ANKFN1: variants seen among roughly 807,000 people sequenced by gnomAD.
The protein encoded by ANKFN1 is ankyrin repeat and fibronectin type III domain containing 1, also known as ankyrin repeat and fibronectin type-III domain-containing protein 1.
Under a neutral mutation model 108.7 loss-of-function variants are expected in ANKFN1, and 74 were observed. That is an observed-to-expected ratio of 0.68 (90% confidence interval 0.56 to 0.83). The LOEUF (loss-of-function observed/expected upper bound fraction) is 0.83, where lower values mean the gene tolerates loss of function less well. Ranked by LOEUF, ANKFN1 falls within the 40% of genes least tolerant of loss-of-function variation. The pLI is 0.00. For synonymous variants in ANKFN1, 547 were observed against 516.2 expected (o/e 1.06, Z -0.81); for missense variants, 1,505 against 1,382.3 (o/e 1.09, Z -1.41).
rs916211819 is a variant in ANKFN1, at chr17:56,055,995, GT to G, written c.288+9679del. Among the ~76,000 whole-genome samples the G allele has an allele frequency of 1.3e-4, 19 of 149,874 alleles. 1 individual carries two copies. Among genetic ancestry groups the G allele is most frequent in the Admixed American group, 6.0e-4 (9 of 15,008 alleles). Reference sequence around the variant, plus strand: ...TTATTGATGTTGAGAATTTTTTCATGTTTTTTTTTCTTTTGCTGCTTATATT... The same window carrying G: ...TTATTGATGTTGAGAATTTTTTCATGTTTTTTTTCTTTTGCTGCTTATATT... On this transcript the variant is annotated intron_variant, in intron 4 of 12. Coordinates refer to the ANKFN1 transcript ENST00000635860.
chr17:56,466,463 A>G lies in ANKFN1; in HGVS notation c.1665A>G (p.Ser555=), dbSNP rs769411481. The change falls in exon 15 of 21, where the codon TCA becomes TCG. Residue 555 remains serine (S), a synonymous_variant. Transcript: ENST00000682825. ...TCAGGGAGGTGGAGATGCTTTATTC[A>G]TTTTTTAATGGCAAATGGATGCAGA... is the stretch of plus-strand genomic sequence containing the variant. ...VTIREVEMLY[S]FFNGKWMQIS... 4 of 1,614,146 alleles carry G rather than the reference A, an allele frequency of 2.5e-6. No homozygotes were observed. The highest frequency in any genetic ancestry group is 3.4e-6 in the Non-Finnish European group (4 of 1,180,006).
chr17:56,131,666 G>T (rs760524470), intron 4 of ANKFN1, among the ~76,000 whole-genome samples: 2 of 152,100 alleles, frequency 1.3e-5, no homozygotes, highest in African/African-American at 4.8e-5. Flanking sequence ...AGAATTCACC[G>T]CAGTGTGGTT....
chr17:56,305,208 G>C (rs1321587511), intron 3 of ANKFN1, among the ~76,000 whole-genome samples: 7 of 152,208 alleles, frequency 4.6e-5, no homozygotes, highest in African/African-American at 1.7e-4. Context: ...ACTATCATGA[G>C]AACAACCTGA....
rs1915274967 is a variant in ANKFN1 at position 56,214,441 on chromosome 17, T to C, written c.12+1762T>C. ...TTTGAAAATAGATAAGCCAGGAGTG[T>C]GGCCTGAGATAGTTACATCTCTGAG... On this transcript the variant is annotated intron_variant, in intron 2 of 20. Coordinates refer to ENST00000682825, the MANE Select transcript of ANKFN1 (RefSeq NM_001370326.1). Among the ~76,000 whole-genome samples the C allele has an allele frequency of 2.6e-5, 4 of 152,338 alleles. No individual in the cohort carries two copies. The South Asian group carries it at 8.3e-4, about 32-fold the overall frequency.
At chr17:56,083,155 C>G (rs1905268274) in intron 4 of ANKFN1, among the ~76,000 whole-genome samples, 2 of 151,210 alleles carry the variant, frequency 1.3e-5, no homozygotes, top group Non-Finnish European at 3.0e-5. Context: ...TAAGTGGACA[C>G]TCAGAGAACG....
At chr17:56,368,382 C>T (rs1472562394) in intron 6 of ANKFN1, among the ~76,000 whole-genome samples, 1 of 149,188 alleles carries the variant, frequency 6.7e-6, no homozygotes, top group Admixed American at 6.8e-5. Context: ...CAGGTTCAAG[C>T]AATTCTCCTG....
intron 15 of ANKFN1, chr17:56,473,035 T>C (rs2050373585): frequency 6.6e-6 from 1 of 152,198 alleles, no homozygotes; most frequent in Non-Finnish European, 1.5e-5. Flanking sequence ...CTCTATGATG[T>C]TGGGTGAGAA....
Position 56,101,343 on chromosome 17 carries a change from T to C in ANKFN1, c.288+55018T>C, listed in dbSNP as rs1025146657. 5.3e-5 allele frequency among the ~76,000 whole-genome samples: 8 copies of C among 152,166 alleles called. 1 individual carries two copies. Among genetic ancestry groups the C allele is most frequent in the African/African-American group, 1.7e-4 (7 of 41,432 alleles). ...CAAATCAATGTCACAGATGAATCTT[T>C]CCATTCTCTTCTCCTCAAGCTAAAT... On this transcript the variant is annotated intron_variant, in intron 4 of 12. Coordinates refer to the ANKFN1 transcript ENST00000635860.
chr17:56,055,976 A>G (rs1219151117), intron 4 of ANKFN1, among the ~76,000 whole-genome samples: 1 of 151,886 alleles, frequency 6.6e-6, no homozygotes, highest in African/African-American at 2.4e-5. Flanking sequence ...ACAATTATTG[A>G]TGTTGAGAAT....
intron 6 of ANKFN1, among the ~76,000 whole-genome samples, chr17:56,370,241 G>T (rs1166239078): frequency 6.6e-6 from 1 of 152,106 alleles, no homozygotes; most frequent in Non-Finnish European, 1.5e-5. Flanking sequence ...ATCTTGAAGA[G>T]GTGGAATTCC....
At chr17:56,123,524 CAGA>C (rs910850415) in intron 4 of ANKFN1, among the ~76,000 whole-genome samples, 3 of 152,172 alleles carry the variant, frequency 2.0e-5, no homozygotes, top group East Asian at 1.9e-4. Context: ...CAAAAACACA[CAGA>C]AGATTTTCAC....
chr17:56,300,127 T>A (rs116148499), intron 3 of ANKFN1, among the ~76,000 whole-genome samples: 209 of 152,286 alleles, frequency 1.4e-3, no homozygotes, highest in African/African-American at 4.8e-3. Context: ...ATAACGCTGA[T>A]CTCTGACTCT....
chr17:56,103,477 G>A (rs990159030), intron 4 of ANKFN1, among the ~76,000 whole-genome samples: 11 of 152,186 alleles, frequency 7.2e-5, no homozygotes, highest in African/African-American at 2.7e-4. Context: ...GGGAGTTTGA[G>A]CAATGGCTTC....
intron 8 of ANKFN1, among the ~76,000 whole-genome samples, chr17:56,428,029 T>C (rs1242019900): frequency 3.3e-5 from 5 of 152,024 alleles, no homozygotes; most frequent in East Asian, 1.9e-4. Context: ...GATCAAGAGT[T>C]CAAGACCAGC....
intron 14 of ANKFN1, among the ~76,000 whole-genome samples, chr17:56,465,936 G>A (rs1396418314): frequency 6.6e-6 from 1 of 152,040 alleles, no homozygotes; most frequent in Non-Finnish European, 1.5e-5. Flanking sequence ...CCTCATACCA[G>A]CTTACTGCAG....
At chr17:56,106,418 G>A (rs1273303714) in intron 4 of ANKFN1, among the ~76,000 whole-genome samples, 1 of 152,196 alleles carries the variant, frequency 6.6e-6, no homozygotes, top group East Asian at 1.9e-4. Flanking sequence ...GGTAAGCATG[G>A]ACCTCAGATC....
intron 14 of ANKFN1, among the ~76,000 whole-genome samples, chr17:56,465,713 C>A (rs2145280625): frequency 6.6e-6 from 1 of 152,272 alleles, no homozygotes; most frequent in African/African-American, 2.4e-5. Flanking sequence ...GCATCTTTCC[C>A]TTCCTACCTT....
At position 56,511,148 on chromosome 17, in the gene ANKFN1, G is replaced by C; in HGVS notation, c.3320G>C (p.Trp1107Ser). Reference protein sequence around the residue: ...AAVVAQDEKPWASLSPPSGGR... With the variant: ...AAVVAQDEKPSASLSPPSGGR... ...GTGGTGGCCCAGGACGAAAAACCAT[G>C]GGCAAGCTTGAGCCCGCCCTCTGGA... Residue 1107 changes from tryptophan to serine, a missense_variant, in exon 21 of 21, where the codon TGG becomes TCG. By Grantham distance (177) the Trp-to-Ser change is radical. Coordinates refer to ENST00000682825, the MANE Select transcript of ANKFN1 (RefSeq NM_001370326.1). The C allele has an allele frequency of 6.5e-7, 1 of 1,536,046 alleles. No individual in the cohort carries two copies. Among genetic ancestry groups the C allele is most frequent in the Non-Finnish European group, 8.7e-7 (1 of 1,146,876 alleles).
intron 1 of ANKFN1, among the ~76,000 whole-genome samples, chr17:56,196,614 C>A (rs922650380): frequency 2.0e-5 from 3 of 152,068 alleles, no homozygotes; most frequent in African/African-American, 7.2e-5. Context: ...GCACCACATA[C>A]CCTGTAGTCC....
Sources: allele counts gnomAD v4.1 joint callset (sites outside exome capture counted in the v4.1 genomes callset), GRCh38; gene constraint gnomAD v4.1.1; transcripts MANE v1.5; gene names NCBI Gene and HGNC (gene_info 2026-07-23, HGNC 2026-07-21).